Variants in RANBP2 observed in about 807,000 individuals in gnomAD.
The protein encoded by RANBP2 is RAN binding protein 2, also known as E3 SUMO-protein ligase RanBP2.
In RANBP2, 57 loss-of-function variants were observed where a neutral mutation model predicts 303.6. That is an observed-to-expected ratio of 0.19 (90% confidence interval 0.15 to 0.23). RANBP2 has a LOEUF of 0.23. Among genes scored for constraint, RANBP2 ranks in the 10% least tolerant of loss-of-function variants. The probability of loss-of-function intolerance (pLI) is 1.00; values close to 1 mark genes in which losing one functional copy is unlikely to be tolerated. For missense variants in RANBP2, 3,138 were observed against 3,780.8 expected (o/e 0.83, Z 4.46); for synonymous variants, 1,167 against 1,301.5 (o/e 0.90, Z 2.23).
chr2:109,614,804 C>A, the RANBP2 span: 6 of 1,466,648 alleles, frequency 4.1e-6, no homozygotes, highest in Non-Finnish European at 3.6e-6. Flanking sequence ...AGCCCGAGGC[C>A]CCCGACGGCC....
chr2:109,396,244 A>G, the RANBP2 span, among the ~76,000 whole-genome samples: 2 of 152,336 alleles, frequency 1.3e-5, no homozygotes, highest in Non-Finnish European at 2.9e-5. Flanking sequence ...TCTGAGTAGC[A>G]CTTAGGAGGA....
the RANBP2 span, among the ~76,000 whole-genome samples, chr2:109,319,561 A>T: frequency 1.7e-4 from 26 of 152,366 alleles, no homozygotes; most frequent in Non-Finnish European, 3.4e-4. Flanking sequence ...CACAGGGCTG[A>T]AAACAAGCCC....
At chr2:109,280,397 C>T in the RANBP2 span, among the ~76,000 whole-genome samples, 1 of 152,270 alleles carries the variant, frequency 6.6e-6, no homozygotes, top group Non-Finnish European at 1.5e-5. Context: ...CCTGAGTGCG[C>T]TCTTGGCTAG....
chr2:109,703,795 A>G, the RANBP2 span, among the ~76,000 whole-genome samples: 1 of 152,152 alleles, frequency 6.6e-6, no homozygotes, highest in Non-Finnish European at 1.5e-5. Context: ...TCCTCCTTTT[A>G]TCTAACACAC....
chr2:109,506,099 C>T, the RANBP2 span, among the ~76,000 whole-genome samples: 1 of 152,178 alleles, frequency 6.6e-6, no homozygotes. Flanking sequence ...ACAGAGAGAA[C>T]AGTGGGAGTC....
At chr2:109,257,499 A>G in the RANBP2 span, among the ~76,000 whole-genome samples, 72 of 152,230 alleles carry the variant, frequency 4.7e-4, no homozygotes, top group African/African-American at 1.5e-3. Context: ...AAGTCTGTGA[A>G]GGGCACACCA....
the RANBP2 span, among the ~76,000 whole-genome samples, chr2:108,850,333 A>G: frequency 6.6e-6 from 1 of 152,246 alleles, no homozygotes; most frequent in South Asian, 2.1e-4. Context: ...GATACTACAC[A>G]TAATATTAAC....
At chr2:109,548,035 C>T in the RANBP2 span, among the ~76,000 whole-genome samples, 3 of 152,094 alleles carry the variant, frequency 2.0e-5, no homozygotes, top group Non-Finnish European at 4.4e-5. Flanking sequence ...CACAATACTG[C>T]TCATAAAAGA....
At chr2:108,977,304 T>C in the RANBP2 span, among the ~76,000 whole-genome samples, 3 of 152,214 alleles carry the variant, frequency 2.0e-5, no homozygotes, top group Non-Finnish European at 4.4e-5. Flanking sequence ...AGTCTCGCTC[T>C]GTCGCCCAGG....
the RANBP2 span, chr2:109,617,429 A>G: frequency 1.2e-5 from 2 of 167,218 alleles, no homozygotes; most frequent in East Asian, 3.9e-4. Context: ...CATTTATATT[A>G]GAGTAAATGG....
the RANBP2 span, among the ~76,000 whole-genome samples, chr2:109,357,109 ACATAT>A: frequency 1.3e-5 from 2 of 150,814 alleles, no homozygotes; most frequent in Non-Finnish European, 1.5e-5. Flanking sequence ...CTTATACATA[ACATAT>A]CAGAAAGTTC....
the RANBP2 span, among the ~76,000 whole-genome samples, chr2:109,462,853 C>T: frequency 8.9e-3 from 1,352 of 152,262 alleles, 22 homozygotes; most frequent in African/African-American, 0.031. Flanking sequence ...TCCATAAGCC[C>T]GTCCCTGACT....
chr2:109,293,065 C>T, the RANBP2 span, among the ~76,000 whole-genome samples: 1 of 152,208 alleles, frequency 6.6e-6, no homozygotes, highest in Admixed American at 6.5e-5. Flanking sequence ...AGCTGCAGTT[C>T]AGGGAGGGTC....
chr2:109,671,288 T>G, the RANBP2 span, among the ~76,000 whole-genome samples: 1,010 of 151,992 alleles, frequency 6.6e-3, 7 homozygotes, highest in African/African-American at 0.022. Context: ...GGTGGCCAGC[T>G]GCAGCCAGGG....
At chr2:108,843,886 CTTTTTTTTTTTTTTTT>C in the RANBP2 span, among the ~76,000 whole-genome samples, 1 of 94,018 alleles carries the variant, frequency 1.1e-5, no homozygotes, top group South Asian at 3.6e-4. Context: ...GTGTTTCTTT[CTTTTTTTTTTTTTTTT>C]TTTTTTGAGA....
At chr2:108,830,819 C>CAA in the RANBP2 span, among the ~76,000 whole-genome samples, 1 of 138,468 alleles carries the variant, frequency 7.2e-6, no homozygotes. Context: ...AAATAAAAAA[C>CAA]AAAAAAAAAA....
the RANBP2 span, among the ~76,000 whole-genome samples, chr2:109,673,149 G>T: frequency 6.6e-6 from 1 of 152,180 alleles, no homozygotes; most frequent in Non-Finnish European, 1.5e-5. Context: ...ACTGGGCATA[G>T]AGTCAGCAGA....
the RANBP2 span, among the ~76,000 whole-genome samples, chr2:109,629,271 G>A: frequency 3.8e-5 from 5 of 131,250 alleles, no homozygotes; most frequent in Non-Finnish European, 7.8e-5. Context: ...CTGAAGAGCT[G>A]CCAGCAAGTA....
the RANBP2 span, among the ~76,000 whole-genome samples, chr2:109,203,135 A>G: frequency 1.3e-5 from 2 of 152,056 alleles, no homozygotes; most frequent in Non-Finnish European, 2.9e-5. Context: ...CCGTGTCCTC[A>G]GCAGTCAAGG....
Sources: gnomAD v4.1 joint callset for allele counts (sites outside exome capture counted in the v4.1 genomes callset) on GRCh38, gnomAD v4.1.1 for gene constraint, MANE v1.5 for transcripts, NCBI Gene and HGNC (gene_info 2026-07-23, HGNC 2026-07-21) for gene names.